ELAVL2: variants seen among roughly 807,000 people sequenced by gnomAD.
The protein encoded by ELAVL2 is ELAV like RNA binding protein 2.
ELAVL2 carries 4 observed loss-of-function variants against 34.6 expected under a neutral mutation model. The observed-to-expected ratio is 0.12, with a 90% CI of 0.06 to 0.26. The LOEUF (loss-of-function observed/expected upper bound fraction) is 0.26, where lower values mean the gene tolerates loss of function less well. Among genes scored for constraint, ELAVL2 ranks in the 10% least tolerant of loss-of-function variants. The probability of loss-of-function intolerance (pLI) is 1.00; values close to 1 mark genes in which losing one functional copy is unlikely to be tolerated. For missense variants in ELAVL2, 432 were observed against 442.8 expected, an observed-to-expected ratio of 0.98 and a Z score of 0.22; for synonymous variants, 193 against 154.8, an observed-to-expected ratio of 1.25 and a Z score of -1.83.
At chr9:23,813,327 A>G (rs567747949) in intron 1 of ELAVL2, among the ~76,000 whole-genome samples, 1 of 152,142 alleles carries the variant, frequency 6.6e-6, no homozygotes, top group Admixed American at 6.5e-5. Flanking sequence ...TGGGGGAGAA[A>G]AGGCTGAAGA....
chr9:23,739,744 C>G lies in ELAVL2; in HGVS notation c.230-8619G>C, dbSNP rs373652484. Among the ~76,000 whole-genome samples the G allele has an allele frequency of 7.6e-4, 116 of 152,030 alleles. 3 individuals are homozygous for G. The South Asian group carries it at 0.024, about 31-fold the overall frequency. ...CATCTGCTGTTGCTTGTGCGACCAG[C>G]TGGTGTCAATCTTCACAAACATGCA... is the stretch of plus-strand genomic sequence containing the variant. On this transcript the variant is annotated intron_variant, in intron 2 of 6. Coordinates refer to ENST00000397312, the MANE Select transcript of ELAVL2 (RefSeq NM_004432.5).
chr9:23,757,484 G>T (rs760477199), intron 2 of ELAVL2, among the ~76,000 whole-genome samples: 4 of 151,900 alleles, frequency 2.6e-5, no homozygotes. Context: ...GGCAAAGAAG[G>T]GAGAGGGTTG....
At chr9:23,786,959 A>C (rs1225906204) in intron 1 of ELAVL2, among the ~76,000 whole-genome samples, 1 of 152,160 alleles carries the variant, frequency 6.6e-6, no homozygotes, top group Admixed American at 6.5e-5. Flanking sequence ...ATTGCAAAAG[A>C]TAAAAGGTAC....
intron 1 of ELAVL2, among the ~76,000 whole-genome samples, chr9:23,807,985 T>C (rs1184749102): frequency 6.6e-6 from 1 of 152,126 alleles, no homozygotes; most frequent in Non-Finnish European, 1.5e-5. Flanking sequence ...TAAAATCGGT[T>C]TCTCGTAAAA....
At chr9:23,737,013 C>A (rs1161404166) in intron 2 of ELAVL2, among the ~76,000 whole-genome samples, 1 of 152,176 alleles carries the variant, frequency 6.6e-6, no homozygotes, top group Non-Finnish European at 1.5e-5. Flanking sequence ...CAACTTGCCC[C>A]ATCCCCAGTG....
intron 5 of ELAVL2, among the ~76,000 whole-genome samples, chr9:23,699,812 G>GTTTTTTTTTTTTTTTTTTTTTTTTTTTTT (rs199637833): frequency 1.2e-5 from 1 of 82,970 alleles, no homozygotes; most frequent in African/African-American, 4.4e-5. Context: ...GGTGGCAAAG[G>GTTTTTTTTTTTTTTTTTTTTTTTTTTTTT]TTTTTTTTTT....
intron 2 of ELAVL2, among the ~76,000 whole-genome samples, chr9:23,744,225 G>A (rs1181857763): frequency 1.3e-5 from 2 of 152,164 alleles, no homozygotes; most frequent in Non-Finnish European, 2.9e-5. Flanking sequence ...TTCACAAATA[G>A]ATTCTGATGT....
intron 1 of ELAVL2, among the ~76,000 whole-genome samples, chr9:23,816,341 AAAAAAG>A (rs1328801973): frequency 4.0e-5 from 6 of 149,678 alleles, no homozygotes; most frequent in African/African-American, 7.3e-5. Context: ...AAAAAAAAAA[AAAAAAG>A]GGGATAAAAA....
At position 23,704,946 on chromosome 9, in the gene ELAVL2, A is replaced by C; in HGVS notation, c.459T>G (p.Thr153=). 6.2e-7 allele frequency: 1 copy of C among 1,614,142 alleles called. No individual in the cohort carries two copies. Among genetic ancestry groups the C allele is most frequent in the Non-Finnish European group, 8.5e-7 (1 of 1,179,996 alleles). ...QLFSQYGRII[T]SRILVDQVTG... ...TGACCTGGTCGACAAGAATACGAGA[A>C]GTAATAATGCGTCCATATTGTGAAA... Residue 153 remains threonine, a synonymous_variant, in exon 4 of 7, where the codon ACT becomes ACG. Transcript: ENST00000397312.
chr9:23,824,845 G>A (rs984710651), intron 1 of ELAVL2, among the ~76,000 whole-genome samples: 1 of 152,162 alleles, frequency 6.6e-6, no homozygotes, highest in South Asian at 2.1e-4. Flanking sequence ...CGAGGAAGTG[G>A]GGGCGGTAAG....
At chr9:23,703,103 T>G (rs2038040039) in intron 4 of ELAVL2, among the ~76,000 whole-genome samples, 2 of 152,014 alleles carry the variant, frequency 1.3e-5, no homozygotes. Context: ...CCCAATAATT[T>G]GCATTTTTAG....
At chr9:23,814,845 A>C (rs2063495059) in intron 1 of ELAVL2, among the ~76,000 whole-genome samples, 1 of 152,208 alleles carries the variant, frequency 6.6e-6, no homozygotes, top group African/African-American at 2.4e-5. Context: ...CAGAGAAAAC[A>C]AGATCAAGTG....
At chr9:23,836,552 C>G in the ELAVL2 span, among the ~76,000 whole-genome samples, 1 of 152,088 alleles carries the variant, frequency 6.6e-6, no homozygotes, top group African/African-American at 2.4e-5. Flanking sequence ...AAGTTTGAGC[C>G]TCTTTGTAAG....
chr9:23,718,558 T>G (rs373568595), intron 3 of ELAVL2, among the ~76,000 whole-genome samples: 1 of 152,174 alleles, frequency 6.6e-6, no homozygotes, highest in Admixed American at 6.5e-5. Context: ...AGATGGAAAT[T>G]TGTGTAAGGC....
chr9:23,797,449 T>C (rs891821813), intron 1 of ELAVL2, among the ~76,000 whole-genome samples: 1 of 152,186 alleles, frequency 6.6e-6, no homozygotes, highest in African/African-American at 2.4e-5. Context: ...TCATGTATGA[T>C]ACACTTCAAT....
intron 1 of ELAVL2, among the ~76,000 whole-genome samples, chr9:23,778,144 G>C (rs905517374): frequency 6.6e-6 from 1 of 152,072 alleles, no homozygotes; most frequent in Admixed American, 6.6e-5. Context: ...CAGAATCCGA[G>C]GGCCAGCTTG....
chr9:23,729,708 C>A (rs777687874), intron 3 of ELAVL2, among the ~76,000 whole-genome samples: 3 of 151,942 alleles, frequency 2.0e-5, no homozygotes, highest in Non-Finnish European at 4.4e-5. Flanking sequence ...ATTTGGGAAC[C>A]ACTATATACT....
At chr9:23,733,778 G>A (rs960420811) in intron 2 of ELAVL2, among the ~76,000 whole-genome samples, 5 of 152,224 alleles carry the variant, frequency 3.3e-5, no homozygotes, top group Admixed American at 2.6e-4. Flanking sequence ...TTTGCTAAAT[G>A]AAAGAATGAG....
intron 1 of ELAVL2, among the ~76,000 whole-genome samples, chr9:23,773,329 C>T (rs1046182532): frequency 5.9e-5 from 9 of 152,072 alleles, no homozygotes; most frequent in African/African-American, 2.2e-4. Flanking sequence ...TTTCGAACAA[C>T]CCCCTAACAG....
Sources: gnomAD v4.1 joint callset for allele counts (sites outside exome capture counted in the v4.1 genomes callset) on GRCh38, gnomAD v4.1.1 for gene constraint, MANE v1.5 for transcripts, NCBI Gene and HGNC (gene_info 2026-07-23, HGNC 2026-07-21) for gene names.